Variants in ADAM33 observed in about 807,000 individuals in gnomAD.
The protein encoded by ADAM33 is ADAM metallopeptidase domain 33, also known as disintegrin and metalloproteinase domain-containing protein 33.
Under a neutral mutation model 106.2 loss-of-function variants are expected in ADAM33, and 103 were observed. The observed-to-expected ratio is 0.97, with a 90% CI of 0.83 to 1.14. ADAM33 has a LOEUF of 1.14. ADAM33 is among the 50% of genes most tolerant of loss of function. The pLI, the probability that ADAM33 is intolerant of heterozygous loss-of-function variation, is 0.00. For synonymous variants in ADAM33, 483 were observed against 453.0 expected (o/e 1.07, Z -0.84); for missense variants, 1,120 against 1,096.6 (o/e 1.02, Z -0.30).
intron 15 of ADAM33, 39 bp from the exon 16 acceptor site, chr20:3,671,818 C>T: frequency 1.3e-6 from 2 of 1,551,666 alleles, no homozygotes; most frequent in Non-Finnish European, 1.7e-6. Flanking sequence ...GCTGCAGTAC[C>T]CCCCTTCCCC....
intron 21 of ADAM33, 69 bp from the exon 22 acceptor site, chr20:3,669,069 G>T (rs1568793450): frequency 2.6e-6 from 4 of 1,538,664 alleles, no homozygotes; most frequent in East Asian, 4.5e-5. Flanking sequence ...GTGGCAGAGA[G>T]CCCATCCTCA....
chr20:3,670,014 T>G (rs558817216), intron 19 of ADAM33: 5 of 414,806 alleles, frequency 1.2e-5, no homozygotes, highest in South Asian at 1.1e-4. Context: ...CCCTTGATGA[T>G]TCCAAGCCAT....
Position 3,674,437 on chromosome 20 carries a change from CCG to C in ADAM33, c.600+65_600+66del. ...ACTGGGACTCGAGGCCTGTGAATTC[CCG>C]TCTCTTCTGATTTGGAGGGCTATAG... is the stretch of plus-strand genomic sequence containing the variant. On this transcript the variant is annotated intron_variant, in intron 6 of 21. Coordinates refer to ENST00000356518, the MANE Select transcript of ADAM33 (RefSeq NM_025220.5). 6.9e-6 allele frequency: 11 copies of C among 1,603,098 alleles called. 1 individual carries two copies. Among genetic ancestry groups the C allele is most frequent in the Middle Eastern group, 2.1e-4 (1 of 4,872 alleles).
At position 3,672,297 on chromosome 20, in the gene ADAM33, G is replaced by A; in HGVS notation, c.1434C>T (p.Ala478=). The change falls in exon 14 of 22, where the codon GCC becomes GCT. Residue 478 remains alanine, a synonymous_variant. Transcript: ENST00000356518. ...ACTCAGGGAGGTCACAGTCACCCAT[G>A]GCCTGGCGGCACAGCGCTCCAGCCG... ...LKPAGALCRQ[A]MGDCDLPEFC... 1 of 1,613,218 alleles carries A rather than the reference G, an allele frequency of 6.2e-7. No individual in the cohort carries two copies. Among genetic ancestry groups the A allele is most frequent in the South Asian group, 1.1e-5 (1 of 91,074 alleles).
chr20:3,678,396 G>A (rs1163727302), intron 2 of ADAM33, among the ~76,000 whole-genome samples: 1 of 152,154 alleles, frequency 6.6e-6, no homozygotes, highest in African/African-American at 2.4e-5. Context: ...TCACAGCCCA[G>A]GCCAGACAGA....
In ADAM33 at chr20:3,671,617, G is replaced by A. The variant is rs933031279; in HGVS notation, c.1869C>T (p.Gly623=). The A allele has an allele frequency of 3.2e-6, 5 of 1,583,320 alleles. No individual in the cohort carries two copies. In the Admixed American group the frequency reaches 5.4e-5, roughly 17 times the overall value. The change falls in exon 16 of 22, where the codon GGC becomes GGT. Residue 623 remains glycine, a synonymous_variant. Coordinates refer to ENST00000356518, the MANE Select transcript of ADAM33 (RefSeq NM_025220.5). ...CACACTGGGTGCCTGGCTCTACCAG[G>A]CCCAGGCCAAGCAGGTCCAGCTGGG... The part of the protein sequence containing the change: ...PSAQLDLLGL[G]LVEPGTQCGP...
In ADAM33 at chr20:3,672,543, G is replaced by A. The variant is rs1481495933; in HGVS notation, c.1395C>T (p.Arg465=). 6 of 1,613,234 alleles carry A rather than the reference G, an allele frequency of 3.7e-6. No individual in the cohort carries two copies. Among genetic ancestry groups the A allele is most frequent in the Middle Eastern group, 1.7e-4 (1 of 6,058 alleles). The stretch of plus-strand genomic sequence containing the variant: ...GAACCTTCCATGCCCTCACCAGGCA[G>A]CGCACGCAGCAGTCCCCGTGGGCGC... ...AQCAHGDCCV[R]CLLKPAGALC... Residue 465 remains arginine (R), a synonymous_variant, in exon 13 of 22, where the codon CGC becomes CGT. Transcript: ENST00000356518.
Position 3,681,983 on chromosome 20 carries a change from C to G in ADAM33, c.22G>C (p.Ala8Pro). 6.5e-7 allele frequency: 1 copy of G among 1,539,122 alleles called. No homozygotes were observed. Among genetic ancestry groups the G allele is most frequent in the Non-Finnish European group, 8.8e-7 (1 of 1,142,326 alleles). Residue 8 changes from alanine to proline, a missense_variant, in exon 1 of 22, where the codon GCT becomes CCT. Physicochemically the swap from Ala to Pro is conservative, Grantham distance 27. Coordinates refer to ENST00000356518, the MANE Select transcript of ADAM33 (RefSeq NM_025220.5). ...AGCAGCAGCAACGGGGTCCCCCGAG[C>G]TCTCCGGGGCCTCCAGCCCATAGCT... is the stretch of plus-strand genomic sequence containing the variant. The part of the protein sequence containing the change: MGWRPRR[A>P]RGTPLLLLLL...
chr20:3,672,665 C>A, intron 12 of ADAM33, 39 bp from the exon 13 acceptor site: 1 of 1,610,824 alleles, frequency 6.2e-7, no homozygotes, highest in Non-Finnish European at 8.5e-7. Context: ...GGTGAGGGCG[C>A]AGCGCCCCAG....
At chr20:3,669,856 C>A (rs1364773802) in intron 19 of ADAM33, 2 of 654,614 alleles carry the variant, frequency 3.1e-6, no homozygotes, top group Non-Finnish European at 5.5e-6. Context: ...CGGCTGGCAC[C>A]TCCTCTCTCT....
Position 3,674,067 on chromosome 20 carries a change from GTCCA to G in ADAM33, c.731_734del (p.Val244AlafsTer13), listed in dbSNP as rs753324249. On this transcript the variant is annotated frameshift_variant, in exon 8 of 22. Transcript: ENST00000356518. LOFTEE classifies it high-confidence loss of function. ...CTCTCTCCCCGCCGCCCCCAACCTG[GTCCA>G]CGTAGTTGGCGACTTCCAGGAGACG... 6.2e-7 allele frequency: 1 copy of G among 1,614,122 alleles called. No homozygotes were observed. The highest frequency in any genetic ancestry group is 8.5e-7 in the Non-Finnish European group (1 of 1,180,018).
At chr20:3,681,762 A>G in intron 1 of ADAM33, 146 bp downstream of exon 1, 2 of 1,255,520 alleles carry the variant, frequency 1.6e-6, no homozygotes, top group South Asian at 3.5e-5. Context: ...CCCCCCAAAG[A>G]GTCCCCACGC....
At position 3,668,153 on chromosome 20, in the gene ADAM33, T is replaced by G. The variant is rs1253486036; in HGVS notation, c.*810A>C. The stretch of plus-strand genomic sequence containing the variant: ...CACCACGCCCAGCTAATTTTAAAAT[T>G]TTTCTGTAGATGCGGTGTCTTGCTG... On this transcript the variant is annotated 3_prime_UTR_variant, in exon 22 of 22. Transcript: ENST00000356518. 1 of 152,286 alleles carries G rather than the reference T, an allele frequency of 6.6e-6. No individual in the cohort carries two copies. Among genetic ancestry groups the G allele is most frequent in the Non-Finnish European group, 1.5e-5 (1 of 68,216 alleles). The allele number at this position is 152,286 out of a possible 1,614,324, so 9.4% of individuals were successfully genotyped here.
chr20:3,672,378 T>G, intron 13 of ADAM33, 49 bp from the exon 14 acceptor site: 2 of 1,598,236 alleles, frequency 1.3e-6, no homozygotes, highest in South Asian at 1.1e-5. Flanking sequence ...CCACGTGCAG[T>G]GAGAGGTCCA....
rs564552141 is a variant in ADAM33 at position 3,670,970 on chromosome 20, A to G, written c.2240+36T>C. 2.2e-5 allele frequency: 34 copies of G among 1,521,280 alleles called. No individual in the cohort carries two copies. In the African/African-American group the frequency reaches 4.3e-4, roughly 19 times the overall value. The allele number at this position is 1,521,280 out of a possible 1,614,324, so 94.2% of individuals were successfully genotyped here. A position where few individuals can be genotyped will look rare whatever the true frequency, so the allele number is the denominator to read the frequency against. On this transcript the variant is annotated intron_variant, in intron 19 of 21. Transcript: ENST00000356518. ...GCAGAGCTCTGAGGAGGGGAACCGC[A>G]GGAGTAGGCTCAGGAAGCAGGCGCT...
chr20:3,677,421 G>A (rs2088071533), intron 2 of ADAM33, among the ~76,000 whole-genome samples: 1 of 152,198 alleles, frequency 6.6e-6, no homozygotes, highest in South Asian at 2.1e-4. Flanking sequence ...GAGACCAGAG[G>A]TCCCAGAAAG....
At chr20:3,669,963 G>A (rs569997477) in intron 19 of ADAM33, 6 of 497,042 alleles carry the variant, frequency 1.2e-5, no homozygotes, top group Admixed American at 9.8e-5. Context: ...CCGCCCCTTC[G>A]GCAGCTATGT....
At chr20:3,679,044 C>T (rs2088217485) in intron 2 of ADAM33, among the ~76,000 whole-genome samples, 2 of 151,944 alleles carry the variant, frequency 1.3e-5, no homozygotes, top group Admixed American at 6.5e-5. Context: ...GCTGAAGGTT[C>T]AGGCCTTCGT....
intron 3 of ADAM33, among the ~76,000 whole-genome samples, chr20:3,676,151 C>T (rs1010297018): frequency 5.3e-5 from 8 of 152,188 alleles, no homozygotes; most frequent in South Asian, 2.1e-4. Context: ...TAAGAGCCTG[C>T]GCTCCAGCCC....
Sources: gnomAD v4.1 joint callset for allele counts (sites outside exome capture counted in the v4.1 genomes callset) on GRCh38, gnomAD v4.1.1 for gene constraint, MANE v1.5 for transcripts, NCBI Gene and HGNC (gene_info 2026-07-23, HGNC 2026-07-21) for gene names.